The following ANXA13 variants were observed in gnomAD, a reference collection of about 807,000 sequenced individuals.
ANXA13 encodes the protein annexin A13, also known as annexin XIII.
A neutral mutation model predicts 46.6 loss-of-function variants in ANXA13; 36 were observed. The ratio of observed to expected loss-of-function variants is 0.77; its 90% CI spans 0.59 to 1.02. The LOEUF (loss-of-function observed/expected upper bound fraction) is 1.02. ANXA13 is among the 50% of genes least tolerant of loss of function. The pLI is 0.00. For synonymous variants in ANXA13, 163 were observed against 152.9 expected, an observed-to-expected ratio of 1.07 and a Z score of -0.49; for missense variants, 417 against 396.5, an observed-to-expected ratio of 1.05 and a Z score of -0.44.
At position 123,681,353 on chromosome 8, in the gene ANXA13, G is replaced by C. The variant is rs531775603; in HGVS notation, c.838C>G (p.Leu280Val). The change falls in exon 11 of 11, where the codon CTT becomes GTT. Residue 280 changes from leucine (L) to valine (V), a missense_variant. By Grantham distance (32) the Leu-to-Val change is conservative. Transcript: ENST00000419625. ...TGGAACTTTGCTTTGATCCCCTGAA[G>C]GTCCACCTGTAGAAAAAATAACAGC... is the stretch of plus-strand genomic sequence containing the variant. ...RIVVTRAEVD[L>V]QGIKAKFQEK... The C allele has an allele frequency of 6.2e-7, 1 of 1,613,086 alleles. No homozygotes were observed. The highest frequency in any genetic ancestry group is 8.5e-7 in the Non-Finnish European group (1 of 1,179,606).
intron 10 of ANXA13, among the ~76,000 whole-genome samples, 157 bp from the exon 11 acceptor site, chr8:123,681,516 G>C (rs975035129): frequency 6.6e-6 from 1 of 151,274 alleles, no homozygotes; most frequent in African/African-American, 2.4e-5. Flanking sequence ...CCTTTATCAC[G>C]TTATTTCAAT....
chr8:123,702,886 G>A (rs1465338396), intron 2 of ANXA13, 150 bp from the exon 3 acceptor site: 2 of 661,416 alleles, frequency 3.0e-6, no homozygotes, highest in East Asian at 2.6e-5. Context: ...TTGATGCCTT[G>A]TGCTGAAAAC....
At chr8:123,713,057 C>T (rs1043536453) in intron 1 of ANXA13, among the ~76,000 whole-genome samples, 1 of 152,204 alleles carries the variant, frequency 6.6e-6, no homozygotes, top group Non-Finnish European at 1.5e-5. Flanking sequence ...TGTGTGTCTG[C>T]CTCTGAAACA....
At chr8:123,691,274 T>C (rs1813235316) in intron 8 of ANXA13, among the ~76,000 whole-genome samples, 1 of 152,176 alleles carries the variant, frequency 6.6e-6, no homozygotes, top group Non-Finnish European at 1.5e-5. Flanking sequence ...AGAAAAATCA[T>C]AGAACCAGGG....
In ANXA13 at chr8:123,702,702, C is replaced by A; in HGVS notation, c.126G>T (p.Ser42=). 6.2e-7 allele frequency: 1 copy of A among 1,613,948 alleles called. No individual in the cohort carries two copies. Among genetic ancestry groups the A allele is most frequent in the Non-Finnish European group, 8.5e-7 (1 of 1,179,992 alleles). ...TNEAAIIEIL[S]GRTSDERQQI... Reference sequence around the variant, plus strand: ...GTTGCCTCTCATCTGATGTCCTGCCCGATAAGATTTCAATGATGGCTGCTT... The same window carrying A: ...GTTGCCTCTCATCTGATGTCCTGCCAGATAAGATTTCAATGATGGCTGCTT... The change falls in exon 3 of 11, where the codon TCG becomes TCT. Residue 42 remains serine (S), a synonymous_variant. Coordinates refer to ENST00000419625, the MANE Select transcript of ANXA13 (RefSeq NM_004306.4).
intron 3 of ANXA13, among the ~76,000 whole-genome samples, chr8:123,700,965 G>T (rs943400561): frequency 3.3e-5 from 5 of 152,066 alleles, no homozygotes; most frequent in African/African-American, 1.2e-4. Context: ...AGGGACTACA[G>T]GCACACACCA....
At chr8:123,693,991 C>CTT (rs375293398) in intron 6 of ANXA13, among the ~76,000 whole-genome samples, 3 of 144,046 alleles carry the variant, frequency 2.1e-5, no homozygotes, top group Admixed American at 1.4e-4. Flanking sequence ...TTGGTTTTGC[C>CTT]TTTTTTTTTT....
intron 10 of ANXA13, among the ~76,000 whole-genome samples, chr8:123,683,233 A>G (rs1307990220): frequency 6.6e-6 from 1 of 152,094 alleles, no homozygotes; most frequent in South Asian, 2.1e-4. Flanking sequence ...TCAATAGAAA[A>G]AGATGAGTTG....
intron 1 of ANXA13, among the ~76,000 whole-genome samples, chr8:123,735,474 A>G (rs1268282572): frequency 2.6e-5 from 4 of 152,166 alleles, no homozygotes; most frequent in Admixed American, 6.5e-5. Flanking sequence ...CTGAAATGTC[A>G]TAGTGGTCCT....
intron 1 of ANXA13, among the ~76,000 whole-genome samples, chr8:123,721,837 G>C (rs73703647): frequency 0.065 from 9,942 of 152,152 alleles, 1,041 homozygotes; most frequent in African/African-American, 0.22. Flanking sequence ...ACAACCCTAT[G>C]GGGTAGGTAT....
Position 123,736,847 on chromosome 8 carries a change from C to CTTTT in ANXA13, c.15+469_15+472dup, listed in dbSNP as rs34405438. 1.8e-3 allele frequency among the ~76,000 whole-genome samples: 209 copies of CTTTT among 113,430 alleles called. 1 individual carries two copies. Among genetic ancestry groups the CTTTT allele is most frequent in the African/African-American group, 5.8e-3 (169 of 29,158 alleles). The allele number at this position is 113,430 out of a possible 152,430, so 74.4% of individuals were successfully genotyped here. ...ATAAGGGAATAATATATCCCCAGTG[C>CTTTT]TTTTTTTTTTTTTTTTTTGGGACGG... is the stretch of plus-strand genomic sequence containing the variant. On this transcript the variant is annotated intron_variant, in intron 1 of 10. Coordinates refer to ENST00000419625, the MANE Select transcript of ANXA13 (RefSeq NM_004306.4).
chr8:123,715,034 G>T (rs772244758), intron 1 of ANXA13, among the ~76,000 whole-genome samples: 2 of 152,168 alleles, frequency 1.3e-5, no homozygotes, highest in Admixed American at 1.3e-4. Flanking sequence ...CAGAGGGGTC[G>T]GATGACTCTG....
At chr8:123,719,904 T>C (rs963715309) in intron 1 of ANXA13, among the ~76,000 whole-genome samples, 5 of 151,974 alleles carry the variant, frequency 3.3e-5, no homozygotes, top group Non-Finnish European at 5.9e-5. Flanking sequence ...GTGCATGGGG[T>C]GGTGTGCGGT....
chr8:123,732,671 TG>T lies in ANXA13; in HGVS notation c.15+4648del, dbSNP rs139829730. ...TACCACCTCCTTACAATGGCTGGTT[TG>T]TTTTTTTTTTTTGCATCCACCATAG... On this transcript the variant is annotated intron_variant, in intron 1 of 10. Coordinates refer to ENST00000419625, the MANE Select transcript of ANXA13 (RefSeq NM_004306.4). 6.1e-4 allele frequency among the ~76,000 whole-genome samples: 91 copies of T among 150,204 alleles called. 3 individuals are homozygous for T. The highest frequency in any genetic ancestry group is 8.3e-4 in the Non-Finnish European group (56 of 67,458).
At chr8:123,731,340 G>T (rs905713020) in intron 1 of ANXA13, among the ~76,000 whole-genome samples, 3 of 152,264 alleles carry the variant, frequency 2.0e-5, no homozygotes, top group African/African-American at 7.2e-5. Flanking sequence ...AGGGCCTTGC[G>T]CATGAATTGG....
intron 1 of ANXA13, among the ~76,000 whole-genome samples, chr8:123,733,862 C>T (rs1814187294): frequency 6.6e-6 from 1 of 152,174 alleles, no homozygotes; most frequent in South Asian, 2.1e-4. Flanking sequence ...TTTTAGAACT[C>T]CTCAGGTGAT....
rs1180341686 is a variant in ANXA13 at position 123,698,708 on chromosome 8, C to A, written c.187-149G>T. ...CCTGCAACCTGCTGAGAACATGCAA[C>A]CTGCTCTCAGCTGCCCATCCACGTT... On this transcript the variant is annotated intron_variant, in intron 3 of 10. Coordinates refer to ENST00000419625, the MANE Select transcript of ANXA13 (RefSeq NM_004306.4). 1.2e-5 allele frequency: 10 copies of A among 808,548 alleles called. No individual in the cohort carries two copies. In the East Asian group the frequency reaches 2.4e-4, roughly 19 times the overall value. The allele number at this position is 808,548 out of a possible 1,614,324, so 50.1% of individuals were successfully genotyped here.
At chr8:123,718,808 T>C (rs535509398) in intron 1 of ANXA13, among the ~76,000 whole-genome samples, 2 of 152,324 alleles carry the variant, frequency 1.3e-5, no homozygotes, top group East Asian at 3.9e-4. Flanking sequence ...GCAGAAAGAA[T>C]GCAGAAAACA....
intron 1 of ANXA13, among the ~76,000 whole-genome samples, chr8:123,734,833 G>A (rs962675662): frequency 6.7e-6 from 1 of 150,176 alleles, no homozygotes; most frequent in African/African-American, 2.5e-5. Flanking sequence ...CTGCATTTGT[G>A]TTTGTATTTA....
Sources: allele counts gnomAD v4.1 joint callset (sites outside exome capture counted in the v4.1 genomes callset), GRCh38; gene constraint gnomAD v4.1.1; transcripts MANE v1.5; gene names NCBI Gene and HGNC (gene_info 2026-07-23, HGNC 2026-07-21).